The following CFAP20DC variants were observed in gnomAD, a reference collection of about 807,000 sequenced individuals.
CFAP20DC encodes CFAP20 domain containing.
A neutral mutation model predicts 101.7 loss-of-function variants in CFAP20DC; 84 were observed. The observed-to-expected ratio is 0.83, with a 90% confidence interval of 0.69 to 0.99. The LOEUF (loss-of-function observed/expected upper bound fraction) is 0.99. Among genes scored for constraint, CFAP20DC ranks in the 50% least tolerant of loss-of-function variants. CFAP20DC has a pLI of 0.00. For synonymous variants in CFAP20DC, 359 were observed against 351.2 expected, an observed-to-expected ratio of 1.02 and a Z score of -0.25; for missense variants, 1,007 against 970.3, an observed-to-expected ratio of 1.04 and a Z score of -0.50.
chr3:58,812,316 C>G (rs2074715342), intron 14 of CFAP20DC, among the ~76,000 whole-genome samples: 1 of 152,018 alleles, frequency 6.6e-6, no homozygotes, highest in African/African-American at 2.4e-5. Flanking sequence ...AAATGTCCAA[C>G]AATGATAGAA....
At chr3:58,742,651 T>C in intron 16 of CFAP20DC, 79 bp from the exon 17 acceptor site, 2 of 968,218 alleles carry the variant, frequency 2.1e-6, no homozygotes, top group Non-Finnish European at 3.1e-6. Flanking sequence ...GAAGCAGGAA[T>C]CACCATCTCT....
chr3:58,946,422 G>A (rs2089373914), intron 4 of CFAP20DC, among the ~76,000 whole-genome samples: 1 of 152,198 alleles, frequency 6.6e-6, no homozygotes. Flanking sequence ...AGCCCCCAGT[G>A]TTTTATCTCT....
chr3:58,807,963 A>C (rs1356307903), intron 14 of CFAP20DC, among the ~76,000 whole-genome samples: 4 of 152,256 alleles, frequency 2.6e-5, no homozygotes, highest in Non-Finnish European at 5.9e-5. Context: ...AAAGGGTATC[A>C]GTGATGGAAG....
At chr3:58,822,081 T>C (rs1422214691) in intron 14 of CFAP20DC, among the ~76,000 whole-genome samples, 2 of 127,568 alleles carry the variant, frequency 1.6e-5, no homozygotes, top group Non-Finnish European at 3.1e-5. Flanking sequence ...CACTCATAGG[T>C]GGGAATTGAA....
intron 15 of CFAP20DC, among the ~76,000 whole-genome samples, chr3:58,776,337 G>A (rs1329754070): frequency 6.6e-6 from 1 of 152,046 alleles, no homozygotes; most frequent in African/African-American, 2.4e-5. Context: ...CCTAAAAGTA[G>A]GACATAGATT....
In CFAP20DC at chr3:58,884,647, G is replaced by C. The variant is rs754838974; in HGVS notation, c.613C>G (p.Leu205Val). 1 of 1,613,366 alleles carries C rather than the reference G, an allele frequency of 6.2e-7. No individual in the cohort carries two copies. Among genetic ancestry groups the C allele is most frequent in the East Asian group, 2.2e-5 (1 of 44,876 alleles). ...PTDIIPRSCQ[L>V]MTDVPHVTQL... is the part of the protein sequence containing the mutation. ...GTGACATGTGGAACATCTGTCATTA[G>C]TTGACAGCTTCGTGGTATAATATCT... The change falls in exon 7 of 17, where the codon CTA (leucine) becomes GTA (valine). Residue 205 changes from leucine (L) to valine (V), a missense_variant. Physicochemically the swap from Leu to Val is conservative, Grantham distance 32. Transcript: ENST00000482387.
intron 4 of CFAP20DC, among the ~76,000 whole-genome samples, chr3:58,940,251 C>A (rs1029682298): frequency 1.3e-5 from 2 of 152,148 alleles, no homozygotes; most frequent in East Asian, 3.8e-4. Flanking sequence ...AGACAAGGTT[C>A]CTATCCTACT....
chr3:58,721,872 A>G lies in CFAP20DC; in HGVS notation c.198-4244T>C. On this transcript the variant is annotated intron_variant, in intron 3 of 3. Transcript: ENST00000486145. This position sits in a 1 kb window ranked among gnomAD's most constrained non-coding sequence, Gnocchi z 5.2. ...TGTTGGGGTTGATTTTATTTTCCTA[A>G]GATTGTGGCAACACGAACTCCCATC... 6.6e-6 allele frequency among the ~76,000 whole-genome samples: 1 copy of G among 152,178 alleles called. No individual in the cohort carries two copies. Among genetic ancestry groups the G allele is most frequent in the East Asian group, 1.9e-4 (1 of 5,186 alleles).
intron 4 of CFAP20DC, among the ~76,000 whole-genome samples, chr3:58,944,964 T>C (rs2089148072): frequency 6.6e-6 from 1 of 152,250 alleles, no homozygotes; most frequent in Non-Finnish European, 1.5e-5. Flanking sequence ...TGACTTAGAC[T>C]TCAGTGTAAG....
chr3:58,780,828 A>G (rs980230670), intron 15 of CFAP20DC, among the ~76,000 whole-genome samples: 1 of 152,070 alleles, frequency 6.6e-6, no homozygotes, highest in African/African-American at 2.4e-5. Context: ...CTCCAATATA[A>G]TAATAGCTGG....
At chr3:59,000,603 G>A (rs931373202) in intron 4 of CFAP20DC, among the ~76,000 whole-genome samples, 2 of 152,160 alleles carry the variant, frequency 1.3e-5, no homozygotes, top group Non-Finnish European at 2.9e-5. Context: ...ATATTTCAGG[G>A]CCTGTCAAGT....
At chr3:59,016,243 AG>A (rs2093686870) in intron 4 of CFAP20DC, among the ~76,000 whole-genome samples, 2 of 152,130 alleles carry the variant, frequency 1.3e-5, no homozygotes, top group South Asian at 4.1e-4. Flanking sequence ...ATGAGGCTGG[AG>A]GATATTATGT....
chr3:58,839,822 T>C (rs1300435407), intron 13 of CFAP20DC, among the ~76,000 whole-genome samples: 3 of 152,196 alleles, frequency 2.0e-5, no homozygotes, highest in African/African-American at 4.8e-5. Context: ...ACTGTTTGCA[T>C]ACAAAGCTGC....
intron 4 of CFAP20DC, chr3:58,953,600 C>T (rs1313989911): frequency 6.6e-6 from 1 of 152,036 alleles, no homozygotes. Flanking sequence ...ATGTGCAAAG[C>T]TTAAATGGTT....
chr3:58,918,632 A>T (rs2084994070), intron 5 of CFAP20DC, among the ~76,000 whole-genome samples: 1 of 147,092 alleles, frequency 6.8e-6, no homozygotes, highest in Non-Finnish European at 1.5e-5. Context: ...CACACAGTCT[A>T]TTTTTTTTTT....
chr3:58,806,653 T>A (rs1276431045), intron 14 of CFAP20DC, among the ~76,000 whole-genome samples, 197 bp from the exon 15 acceptor site: 1 of 152,062 alleles, frequency 6.6e-6, no homozygotes, highest in Non-Finnish European at 1.5e-5. Flanking sequence ...AGAAGACGGG[T>A]GATTTCTGCA....
intron 13 of CFAP20DC, among the ~76,000 whole-genome samples, chr3:58,832,362 A>C (rs1324083606): frequency 1.3e-5 from 2 of 152,224 alleles, no homozygotes; most frequent in Non-Finnish European, 2.9e-5. Context: ...TACAACGGCA[A>C]GCACCATGAC....
At chr3:58,839,974 A>T (rs1035440691) in intron 13 of CFAP20DC, among the ~76,000 whole-genome samples, 1 of 152,234 alleles carries the variant, frequency 6.6e-6, no homozygotes. Context: ...TGCATTAAAC[A>T]CTGGATACAA....
rs888079970 is a variant in CFAP20DC at position 58,815,039 on chromosome 3, C to T, written c.2176-8583G>A. Among the ~76,000 whole-genome samples, 10 of 151,496 alleles carry T rather than the reference C, an allele frequency of 6.6e-5. No individual in the cohort carries two copies. In the South Asian group the frequency reaches 1.9e-3, roughly 28 times the overall value. ...GTTCATATGGAACCAAAAAAGAGCC[C>T]GCATCGCCAAAGCAATCCTAAGCCA... On this transcript the variant is annotated intron_variant, in intron 14 of 16. Transcript: ENST00000482387.
Sources: allele counts gnomAD v4.1 joint callset (sites outside exome capture counted in the v4.1 genomes callset), GRCh38; gene constraint gnomAD v4.1.1; non-coding constraint Gnocchi (gnomAD v3.1); transcripts MANE v1.5; gene names NCBI Gene and HGNC (gene_info 2026-07-23, HGNC 2026-07-21).